ATP9B: variants seen among roughly 807,000 people sequenced by gnomAD.
ATP9B encodes ATPase phospholipid transporting 9B, also known as probable phospholipid-transporting ATPase IIB.
A neutral mutation model predicts 146.1 loss-of-function variants in ATP9B; 110 were observed. That is an observed-to-expected ratio of 0.75 (90% CI 0.65 to 0.88). The LOEUF is 0.88. Among genes scored for constraint, ATP9B ranks in the 40% least tolerant of loss-of-function variants. The pLI is 0.00. For missense variants in ATP9B, 1,499 were observed against 1,496.4 expected, an observed-to-expected ratio of 1.00 and a Z score of -0.03; for synonymous variants, 604 against 569.7, an observed-to-expected ratio of 1.06 and a Z score of -0.86.
chr18:79,292,311 A>G (rs2096513270), intron 13 of ATP9B, among the ~76,000 whole-genome samples: 1 of 152,222 alleles, frequency 6.6e-6, no homozygotes, highest in Admixed American at 6.5e-5. Context: ...GGAAATCCTC[A>G]GGAGTCACCC....
chr18:79,311,411 G>C (rs1298659516), intron 15 of ATP9B, among the ~76,000 whole-genome samples: 1 of 152,106 alleles, frequency 6.6e-6, no homozygotes, highest in Non-Finnish European at 1.5e-5. Flanking sequence ...TTGTCCAGGG[G>C]ACAGATATAA....
In ATP9B at chr18:79,327,549, T is replaced by C. The variant is rs368108859; in HGVS notation, c.1774-1592T>C. ...CTCTCCGTGGTTAGCGTGCTCTCCG[T>C]GGTTAGCGTGCTCTCCGTGGTTAGC... On this transcript the variant is annotated intron_variant, in intron 15 of 29. Coordinates refer to ENST00000426216, the MANE Select transcript of ATP9B (RefSeq NM_198531.5). Among the ~76,000 whole-genome samples, 117 of 135,870 alleles carry C rather than the reference T, an allele frequency of 8.6e-4. 1 individual carries two copies. The highest frequency in any genetic ancestry group is 1.4e-3 in the Non-Finnish European group (90 of 62,380). The allele number at this position is 135,870 out of a possible 152,430, so 89.1% of individuals were successfully genotyped here. A position where few individuals can be genotyped will look rare whatever the true frequency, so the allele number is the denominator to read the frequency against.
intron 1 of ATP9B, 54 bp from the exon 2 acceptor site, chr18:79,096,422 A>T: frequency 2.0e-6 from 3 of 1,489,632 alleles, no homozygotes; most frequent in Non-Finnish European, 2.8e-6. Flanking sequence ...AATGAAACAC[A>T]CTGTAAAGAA....
At chr18:79,084,625 G>C (rs1045117821) in intron 1 of ATP9B, among the ~76,000 whole-genome samples, 1 of 152,042 alleles carries the variant, frequency 6.6e-6, no homozygotes, top group Non-Finnish European at 1.5e-5. Flanking sequence ...ATTGGCGGTT[G>C]AAAACTAAAT....
At chr18:79,247,697 A>G (rs940688820) in intron 11 of ATP9B, among the ~76,000 whole-genome samples, 5 of 152,178 alleles carry the variant, frequency 3.3e-5, no homozygotes, top group Admixed American at 2.6e-4. Context: ...GTTGGTTTCA[A>G]ACGTGGTTTT....
intron 4 of ATP9B, among the ~76,000 whole-genome samples, chr18:79,116,881 C>T (rs1482330542): frequency 9.1e-6 from 1 of 109,886 alleles, no homozygotes; most frequent in African/African-American, 3.8e-5. Flanking sequence ...ATGTAACTAA[C>T]CTGCACAATG....
At chr18:79,169,961 C>T (rs1350375521) in intron 7 of ATP9B, among the ~76,000 whole-genome samples, 1 of 152,188 alleles carries the variant, frequency 6.6e-6, no homozygotes, top group East Asian at 1.9e-4. Context: ...TACAAAATTA[C>T]CTTACGACTC....
At chr18:79,352,931 C>T (rs1331611573) in intron 25 of ATP9B, 3 of 152,234 alleles carry the variant, frequency 2.0e-5, no homozygotes, top group African/African-American at 4.8e-5. Flanking sequence ...ATATCTTCAA[C>T]TCAACGATCA....
intron 26 of ATP9B, among the ~76,000 whole-genome samples, chr18:79,366,205 C>T (rs1037916964): frequency 6.6e-6 from 1 of 152,138 alleles, no homozygotes; most frequent in Admixed American, 6.6e-5. Context: ...AGAGGCATCC[C>T]GAGGGGGTGT....
chr18:79,319,818 G>C (rs2096705289), intron 15 of ATP9B, among the ~76,000 whole-genome samples: 1 of 152,146 alleles, frequency 6.6e-6, no homozygotes, highest in South Asian at 2.1e-4. Context: ...AGCAAATATT[G>C]CCATGACTTC....
chr18:79,235,329 A>G (rs933850063), intron 11 of ATP9B, among the ~76,000 whole-genome samples: 3 of 152,196 alleles, frequency 2.0e-5, no homozygotes, highest in Admixed American at 1.3e-4. Flanking sequence ...AACACTTTCT[A>G]TCGTAAGCCA....
intron 11 of ATP9B, among the ~76,000 whole-genome samples, chr18:79,242,335 A>G (rs1314344336): frequency 3.3e-5 from 5 of 152,232 alleles, no homozygotes; most frequent in Admixed American, 1.3e-4. Context: ...TTAGAGAACA[A>G]GAAGAATATC....
At chr18:79,114,703 A>G (rs932696723) in intron 4 of ATP9B, among the ~76,000 whole-genome samples, 1 of 152,192 alleles carries the variant, frequency 6.6e-6, no homozygotes, top group African/African-American at 2.4e-5. Context: ...TTAAATTAGT[A>G]AGATTGAAAG....
At chr18:79,295,242 A>G (rs1265222990) in intron 13 of ATP9B, among the ~76,000 whole-genome samples, 3 of 152,198 alleles carry the variant, frequency 2.0e-5, no homozygotes, top group Non-Finnish European at 4.4e-5. Flanking sequence ...CAAAATCAAC[A>G]TTTCACTGTT....
intron 11 of ATP9B, among the ~76,000 whole-genome samples, chr18:79,252,745 T>C (rs1053951593): frequency 2.0e-5 from 3 of 152,026 alleles, no homozygotes; most frequent in Non-Finnish European, 4.4e-5. Context: ...GAACACACAA[T>C]GTAAGATCTG....
In ATP9B at chr18:79,143,928, T is replaced by C. The variant is rs575147195; in HGVS notation, c.726+68T>C. 2.2e-5 allele frequency: 21 copies of C among 952,286 alleles called. No individual in the cohort carries two copies. The East Asian group carries it at 5.4e-4, about 25-fold the overall frequency. 59.0% of individuals were successfully genotyped at this position (952,286 alleles called of 1,614,324 possible). On this transcript the variant is annotated intron_variant, in intron 6 of 29. Coordinates refer to ENST00000426216, the MANE Select transcript of ATP9B (RefSeq NM_198531.5). Reference sequence around the variant, plus strand: ...TATTAATGTTTAGCCTGATTATAAGTAACTTCTGAATTTGAAAGAAATTGA... The same window carrying C: ...TATTAATGTTTAGCCTGATTATAAGCAACTTCTGAATTTGAAAGAAATTGA...
At chr18:79,133,438 A>T (rs1050678168) in intron 5 of ATP9B, among the ~76,000 whole-genome samples, 3 of 151,822 alleles carry the variant, frequency 2.0e-5, no homozygotes, top group African/African-American at 7.3e-5. Flanking sequence ...ATTTTTTATT[A>T]TTAGTTCTCT....
chr18:79,083,278 G>A (rs1325385981), intron 1 of ATP9B, among the ~76,000 whole-genome samples: 3 of 152,188 alleles, frequency 2.0e-5, no homozygotes, highest in Non-Finnish European at 4.4e-5. Flanking sequence ...GGCATCCCAG[G>A]TTGACTTCAG....
chr18:79,303,222 T>C (rs979676226), intron 13 of ATP9B, among the ~76,000 whole-genome samples: 1 of 151,972 alleles, frequency 6.6e-6, no homozygotes, highest in Non-Finnish European at 1.5e-5. Context: ...ATTAGCTGGG[T>C]GTGTTGTCGT....
Sources: gnomAD v4.1 joint callset for allele counts (sites outside exome capture counted in the v4.1 genomes callset) on GRCh38, gnomAD v4.1.1 for gene constraint, MANE v1.5 for transcripts, NCBI Gene and HGNC (gene_info 2026-07-23, HGNC 2026-07-21) for gene names.